The following PANK1 variants were observed in gnomAD, a reference collection of about 807,000 sequenced individuals.
PANK1 encodes pantothenate kinase 1, also known as pantothenic acid kinase 1.
A neutral mutation model predicts 40.1 loss-of-function variants in PANK1; 18 were observed. The observed-to-expected ratio is 0.45, with a 90% CI of 0.31 to 0.67. PANK1 has a LOEUF of 0.67. PANK1 is among the 30% of genes least tolerant of loss of function. PANK1 has a pLI of 0.06. For synonymous variants in PANK1, 242 were observed against 237.7 expected, an observed-to-expected ratio of 1.02 and a Z score of -0.17; for missense variants, 457 against 599.6, an observed-to-expected ratio of 0.76 and a Z score of 2.48.
intron 2 of PANK1, among the ~76,000 whole-genome samples, chr10:89,611,027 C>G (rs1328176193): frequency 6.6e-6 from 1 of 152,146 alleles, no homozygotes; most frequent in Non-Finnish European, 1.5e-5. Flanking sequence ...TGTTACTTAT[C>G]CGTATCTTCC....
chr10:89,643,977 G>A lies in PANK1; in HGVS notation c.292+623C>T, dbSNP rs2133041717. 3 of 772,260 alleles carry A rather than the reference G, an allele frequency of 3.9e-6. No individual in the cohort carries two copies. In the East Asian group the frequency reaches 9.8e-5, roughly 25 times the overall value. 47.8% of individuals were successfully genotyped at this position (772,260 alleles called of 1,614,324 possible). On this transcript the variant is annotated intron_variant, in intron 1 of 6. Coordinates refer to ENST00000307534, the MANE Select transcript of PANK1 (RefSeq NM_148977.3). ...AAAAATCCACCTCCAATCCTCATTG[G>A]TCCACATAGTTCCGGCCCACATGGT...
chr10:89,600,830 A>G (rs1357752864), intron 2 of PANK1, among the ~76,000 whole-genome samples: 2 of 152,232 alleles, frequency 1.3e-5, no homozygotes, highest in African/African-American at 4.8e-5. Flanking sequence ...ATGAAACTGA[A>G]CAAATGAAGA....
At chr10:89,639,618 C>T (rs1841915889) in intron 1 of PANK1, among the ~76,000 whole-genome samples, 1 of 152,148 alleles carries the variant, frequency 6.6e-6, no homozygotes, top group South Asian at 2.1e-4. Flanking sequence ...AAATGCGGAC[C>T]TGAATCCAGG....
chr10:89,585,036 A>G (rs912443300), intron 6 of PANK1, among the ~76,000 whole-genome samples: 22 of 152,224 alleles, frequency 1.4e-4, no homozygotes, highest in African/African-American at 4.3e-4. Context: ...TAGTTTGTTC[A>G]GGCTGCTATA....
intron 1 of PANK1, among the ~76,000 whole-genome samples, chr10:89,642,837 T>C (rs1181423055): frequency 6.6e-6 from 1 of 152,210 alleles, no homozygotes; most frequent in African/African-American, 2.4e-5. Flanking sequence ...GTAAATCCAA[T>C]TTTGACGAAC....
chr10:89,621,754 C>T (rs1186889687), intron 1 of PANK1, among the ~76,000 whole-genome samples: 2 of 152,328 alleles, frequency 1.3e-5, no homozygotes, highest in East Asian at 1.9e-4. Flanking sequence ...CACTCTGCTG[C>T]TCAGGCTAGA....
In PANK1 at chr10:89,619,335, T is replaced by C. The variant is rs75912491; in HGVS notation, c.293-7287A>G. Among the ~76,000 whole-genome samples the C allele has an allele frequency of 1.1e-4, 16 of 152,276 alleles. No homozygotes were observed. In the East Asian group the frequency reaches 3.1e-3, roughly 29 times the overall value. Reference sequence around the variant, plus strand: ...TAGGCTTCCTGCAGTAGCTATCAAGTATACACAGTGAACTCCAAATAGCCT... The same window carrying C: ...TAGGCTTCCTGCAGTAGCTATCAAGCATACACAGTGAACTCCAAATAGCCT... On this transcript the variant is annotated intron_variant, in intron 1 of 6. Coordinates refer to ENST00000307534, the MANE Select transcript of PANK1 (RefSeq NM_148977.3).
Position 89,583,678 on chromosome 10 carries a change from T to A in PANK1, c.*728A>T, listed in dbSNP as rs1187826156. On this transcript the variant is annotated 3_prime_UTR_variant, in exon 7 of 7. Transcript: ENST00000307534. Reference sequence around the variant, plus strand: ...AATTTGCAACTTTTGCCAGACTCATTAAATTCATTAACACATTCAGTCTTC... The same window carrying A: ...AATTTGCAACTTTTGCCAGACTCATAAAATTCATTAACACATTCAGTCTTC... The A allele has an allele frequency of 1.3e-5, 2 of 152,210 alleles. No individual in the cohort carries two copies. Among genetic ancestry groups the A allele is most frequent in the Non-Finnish European group, 2.9e-5 (2 of 68,022 alleles). The allele number at this position is 152,210 out of a possible 1,614,324, so 9.4% of individuals were successfully genotyped here.
intron 5 of PANK1, among the ~76,000 whole-genome samples, chr10:89,589,615 A>G (rs558868626): frequency 6.6e-6 from 1 of 152,280 alleles, no homozygotes; most frequent in African/African-American, 2.4e-5. Flanking sequence ...TGAAGCTGGT[A>G]TTATTTTCTG....
intron 6 of PANK1, among the ~76,000 whole-genome samples, chr10:89,586,380 A>T (rs1312450875): frequency 6.6e-6 from 1 of 152,116 alleles, no homozygotes; most frequent in Non-Finnish European, 1.5e-5. Context: ...CTCCATAAAT[A>T]ATCAGGTATT....
chr10:89,643,824 G>C (rs759493598), intron 1 of PANK1: 3 of 1,589,392 alleles, frequency 1.9e-6, no homozygotes, highest in Non-Finnish European at 2.6e-6. Context: ...GCGTCCTGTG[G>C]GGAAGGTACA....
intron 1 of PANK1, among the ~76,000 whole-genome samples, chr10:89,635,131 T>G (rs1034181706): frequency 6.8e-6 from 1 of 146,500 alleles, no homozygotes; most frequent in Non-Finnish European, 1.5e-5. Flanking sequence ...TTAGCAAATA[T>G]ATATATATAT....
At chr10:89,640,776 G>A (rs1450542800) in intron 1 of PANK1, among the ~76,000 whole-genome samples, 1 of 152,128 alleles carries the variant, frequency 6.6e-6, no homozygotes, top group Admixed American at 6.5e-5. Context: ...TACTTATTCT[G>A]TCTCCAAAAC....
intron 2 of PANK1, among the ~76,000 whole-genome samples, chr10:89,601,345 G>T (rs961218753): frequency 1.3e-5 from 2 of 150,836 alleles, no homozygotes; most frequent in Admixed American, 6.6e-5. Context: ...AGCCTGGTGT[G>T]GGGTACATGC....
At chr10:89,604,973 G>A (rs551346033) in intron 2 of PANK1, among the ~76,000 whole-genome samples, 6 of 150,760 alleles carry the variant, frequency 4.0e-5, no homozygotes, top group African/African-American at 9.8e-5. Flanking sequence ...GGATGGTCTC[G>A]ATCTCCTGAC....
intron 6 of PANK1, 81 bp from the exon 7 acceptor site, chr10:89,584,546 A>G: frequency 1.1e-6 from 1 of 887,030 alleles, no homozygotes; most frequent in South Asian, 1.5e-5. Flanking sequence ...AATGCCACTA[A>G]TATCGATAAA....
At chr10:89,586,616 C>A (rs1844204194) in intron 6 of PANK1, among the ~76,000 whole-genome samples, 1 of 152,164 alleles carries the variant, frequency 6.6e-6, no homozygotes, top group South Asian at 2.1e-4. Context: ...AAATAAATAG[C>A]TCAGCTTAAA....
intron 2 of PANK1, among the ~76,000 whole-genome samples, chr10:89,609,644 G>T (rs1235633074): frequency 6.6e-6 from 1 of 152,216 alleles, no homozygotes; most frequent in South Asian, 2.1e-4. Flanking sequence ...GGATACAGAA[G>T]GCAGTTCATA....
At position 89,628,908 on chromosome 10, in the gene PANK1, C is replaced by T. The variant is rs190908333; in HGVS notation, c.292+15692G>A. ...ATCATGTAAACATGCGCTTCCCAGG[C>T]TGCTATGGTTTGAATCTTCTTTTGT... On this transcript the variant is annotated intron_variant, in intron 1 of 6. Coordinates refer to ENST00000307534, the MANE Select transcript of PANK1 (RefSeq NM_148977.3). 2.5e-3 allele frequency among the ~76,000 whole-genome samples: 381 copies of T among 152,220 alleles called. 2 individuals carry two copies. The highest frequency in any genetic ancestry group is 8.8e-3 in the African/African-American group (366 of 41,530).
Sources: allele counts gnomAD v4.1 joint callset (sites outside exome capture counted in the v4.1 genomes callset), GRCh38; gene constraint gnomAD v4.1.1; transcripts MANE v1.5; gene names NCBI Gene and HGNC (gene_info 2026-07-23, HGNC 2026-07-21).